ATP8A2: variants seen among roughly 807,000 people sequenced by gnomAD.
ATP8A2 encodes the protein ATPase phospholipid transporting 8A2, also known as phospholipid-transporting ATPase IB.
ATP8A2 carries 100 observed loss-of-function variants against 165.6 expected under a neutral mutation model. The ratio of observed to expected loss-of-function variants is 0.60; its 90% CI spans 0.51 to 0.71. The LOEUF (loss-of-function observed/expected upper bound fraction) is 0.71, where lower values mean the gene tolerates loss of function less well. Ranked by LOEUF, ATP8A2 falls within the 30% of genes least tolerant of loss-of-function variation. The pLI, the probability that ATP8A2 is intolerant of heterozygous loss-of-function variation, is 0.00. For synonymous variants in ATP8A2, 543 were observed against 548.8 expected (o/e 0.99, Z 0.15); for missense variants, 1,227 against 1,479.5 (o/e 0.83, Z 2.80).
chr13:25,871,765 A>C (rs541687521), intron 33 of ATP8A2, among the ~76,000 whole-genome samples: 4 of 152,162 alleles, frequency 2.6e-5, no homozygotes, highest in African/African-American at 9.7e-5. Context: ...GCCAGCTGTC[A>C]TAAGTGTTGG....
intron 25 of ATP8A2, among the ~76,000 whole-genome samples, chr13:25,766,396 G>T (rs568421147): frequency 6.6e-6 from 1 of 152,312 alleles, no homozygotes; most frequent in Admixed American, 6.5e-5. Flanking sequence ...TACATTGAAA[G>T]AAATAATCCT....
chr13:25,392,517 A>T (rs984680825), intron 1 of ATP8A2, among the ~76,000 whole-genome samples: 3 of 152,226 alleles, frequency 2.0e-5, no homozygotes, highest in African/African-American at 7.2e-5. Context: ...CACACAGTCT[A>T]AGGTGGAATG....
chr13:25,704,808 A>G (rs2043022287), intron 25 of ATP8A2, among the ~76,000 whole-genome samples: 1 of 152,208 alleles, frequency 6.6e-6, no homozygotes, highest in Non-Finnish European at 1.5e-5. Flanking sequence ...CAGAAAAATT[A>G]TATCATGTTG....
At chr13:25,752,039 G>A (rs1358303821) in intron 25 of ATP8A2, among the ~76,000 whole-genome samples, 2 of 151,672 alleles carry the variant, frequency 1.3e-5, no homozygotes, top group Non-Finnish European at 2.9e-5. Flanking sequence ...CCAGCACTTT[G>A]GGGGGCCAAG....
chr13:25,736,810 G>A (rs1284937261), intron 25 of ATP8A2, among the ~76,000 whole-genome samples: 1 of 152,182 alleles, frequency 6.6e-6, no homozygotes. Flanking sequence ...GATCATGGGA[G>A]TGTGTGAGGG....
chr13:25,588,140 TA>T (rs1159882764), intron 23 of ATP8A2, among the ~76,000 whole-genome samples: 1 of 152,196 alleles, frequency 6.6e-6, no homozygotes, highest in Non-Finnish European at 1.5e-5. Flanking sequence ...CATATTGCCT[TA>T]AAAAATTAAC....
At chr13:25,821,547 C>T (rs1304806185) in intron 27 of ATP8A2, among the ~76,000 whole-genome samples, 1 of 152,126 alleles carries the variant, frequency 6.6e-6, no homozygotes, top group Non-Finnish European at 1.5e-5. Flanking sequence ...ACCCAAGCTC[C>T]CATACATATA....
chr13:25,621,578 C>T (rs1309115714), intron 24 of ATP8A2, among the ~76,000 whole-genome samples: 1 of 152,094 alleles, frequency 6.6e-6, no homozygotes, highest in African/African-American at 2.4e-5. Context: ...TTTCTTCACT[C>T]CAGCTAATGC....
intron 35 of ATP8A2, among the ~76,000 whole-genome samples, chr13:26,000,676 T>C (rs1362377551): frequency 2.3e-5 from 3 of 127,750 alleles, no homozygotes; most frequent in Non-Finnish European, 3.1e-5. Flanking sequence ...CCAGCTAGCA[T>C]ACCTGCTTCT....
At chr13:25,397,246 T>C (rs1159375479) in intron 1 of ATP8A2, among the ~76,000 whole-genome samples, 2 of 152,206 alleles carry the variant, frequency 1.3e-5, no homozygotes, top group African/African-American at 4.8e-5. Context: ...ACAGTTGTCC[T>C]ATAGCACCTT....
intron 33 of ATP8A2, among the ~76,000 whole-genome samples, chr13:25,912,459 C>T (rs1409518087): frequency 2.6e-5 from 4 of 151,908 alleles, no homozygotes; most frequent in South Asian, 2.1e-4. Context: ...ATGTTTTTTT[C>T]TTTGAGATAT....
chr13:25,953,765 C>A lies in ATP8A2; in HGVS notation c.3184-7810C>A, dbSNP rs933551583. Among the ~76,000 whole-genome samples, 2 of 152,078 alleles carry A rather than the reference C, an allele frequency of 1.3e-5. No individual in the cohort carries two copies. Among genetic ancestry groups the A allele is most frequent in the African/African-American group, 4.8e-5 (2 of 41,416 alleles). ...AGCACAGGGGATTGAGGAACTCCCT[C>A]CCCTAGCCGAGGGAAGCCGTGAGGG... On this transcript the variant is annotated intron_variant, in intron 33 of 36. Coordinates refer to ENST00000381655, the MANE Select transcript of ATP8A2 (RefSeq NM_016529.6). The surrounding 1 kb of genome is among the most constrained non-coding windows in gnomAD (Gnocchi z 6.7).
chr13:25,494,807 C>T (rs752744534), intron 2 of ATP8A2, among the ~76,000 whole-genome samples: 2 of 152,184 alleles, frequency 1.3e-5, no homozygotes, highest in Non-Finnish European at 2.9e-5. Flanking sequence ...TGAGCGAATT[C>T]GACTTTGTAA....
chr13:25,497,478 A>G (rs1010792925), intron 2 of ATP8A2, among the ~76,000 whole-genome samples: 1 of 152,166 alleles, frequency 6.6e-6, no homozygotes, highest in African/African-American at 2.4e-5. Flanking sequence ...ATTTCAGGGG[A>G]AAATAAAGGC....
At chr13:25,712,842 G>A (rs2043183010) in intron 25 of ATP8A2, among the ~76,000 whole-genome samples, 1 of 152,172 alleles carries the variant, frequency 6.6e-6, no homozygotes, top group Non-Finnish European at 1.5e-5. Context: ...TTGAGTAAGA[G>A]ATAGTAGCCT....
intron 33 of ATP8A2, among the ~76,000 whole-genome samples, chr13:25,932,143 C>T (rs910604349): frequency 8.5e-5 from 13 of 152,128 alleles, no homozygotes; most frequent in African/African-American, 2.6e-4. Context: ...GGATGCTCCC[C>T]GTACAGTAGA....
chr13:25,835,147 G>A (rs1266336212), intron 28 of ATP8A2, among the ~76,000 whole-genome samples: 1 of 152,108 alleles, frequency 6.6e-6, no homozygotes, highest in African/African-American at 2.4e-5. Flanking sequence ...GTAAACAGCA[G>A]GCATGACATC....
rs903891112 is a variant in ATP8A2, at chr13:25,870,628, T to C, written c.3183+8220T>C. ...GAAACTGAGGCTTAGAGAGAAAGGA[T>C]CAGTCTCTTGACCAGGCAGGGAGTA... On this transcript the variant is annotated intron_variant, in intron 33 of 36. Transcript: ENST00000381655. Among the ~76,000 whole-genome samples the C allele has an allele frequency of 2.6e-5, 4 of 152,306 alleles. No individual in the cohort carries two copies. The East Asian group carries it at 7.7e-4, about 29-fold the overall frequency.
At chr13:25,860,986 A>G in intron 32 of ATP8A2, 126 bp downstream of exon 32, 1 of 735,564 alleles carries the variant, frequency 1.4e-6, no homozygotes. Flanking sequence ...CTGTGTAAAA[A>G]TTGTGGTTTG....
Sources: allele counts gnomAD v4.1 joint callset (sites outside exome capture counted in the v4.1 genomes callset), GRCh38; gene constraint gnomAD v4.1.1; non-coding constraint Gnocchi (gnomAD v3.1); transcripts MANE v1.5; gene names NCBI Gene and HGNC (gene_info 2026-07-23, HGNC 2026-07-21).